The following TCF20 variants were observed in gnomAD, a reference collection of about 807,000 sequenced individuals.
TCF20 encodes transcription factor 20, also known as SPRE-binding protein.
A neutral mutation model predicts 148.6 loss-of-function variants in TCF20; 3 were observed. The observed-to-expected ratio is 0.02, with a 90% confidence interval of 0.01 to 0.05. The LOEUF is 0.05. Among genes scored for constraint, TCF20 ranks in the 10% least tolerant of loss-of-function variants. The pLI, the probability that TCF20 is intolerant of heterozygous loss-of-function variation, is 1.00. For missense variants in TCF20, 2,350 were observed against 2,429.3 expected (o/e 0.97, Z 0.69); for synonymous variants, 1,049 against 909.5 (o/e 1.15, Z -2.76).
intron 1 of TCF20, among the ~76,000 whole-genome samples, chr22:42,217,127 G>C (rs1013239193): frequency 1.3e-5 from 2 of 152,116 alleles, no homozygotes; most frequent in African/African-American, 4.8e-5. Context: ...CCAATCCCTG[G>C]AGTGGCTCCC....
intron 1 of TCF20, among the ~76,000 whole-genome samples, chr22:42,277,535 G>GCAC (rs1926806500): frequency 6.6e-6 from 1 of 152,202 alleles, no homozygotes; most frequent in Non-Finnish European, 1.5e-5. Flanking sequence ...CAGGCAGAGG[G>GCAC]CACGGCATGG....
upstream of TCF20, among the ~76,000 whole-genome samples, chr22:42,288,319 C>T (rs1022311025): frequency 2.0e-5 from 3 of 152,052 alleles, no homozygotes; most frequent in African/African-American, 4.8e-5. Flanking sequence ...AGGCAGATCA[C>T]GAGGTCAGGA....
intron 1 of TCF20, among the ~76,000 whole-genome samples, chr22:42,263,103 C>T (rs898529622): frequency 4.6e-5 from 7 of 152,106 alleles, no homozygotes; most frequent in South Asian, 2.1e-4. Context: ...GATATATCTC[C>T]GTTGCACAGA....
intron 5 of TCF20, among the ~76,000 whole-genome samples, chr22:42,167,570 G>A (rs935855925): frequency 2.6e-5 from 4 of 152,192 alleles, no homozygotes; most frequent in East Asian, 3.9e-4. Flanking sequence ...CCTCAGTGAC[G>A]CAGGGAGGGT....
chr22:42,333,535 T>C (rs1392853802), intron 1 of TCF20, among the ~76,000 whole-genome samples: 2 of 152,236 alleles, frequency 1.3e-5, no homozygotes, highest in Admixed American at 1.3e-4. Context: ...ACCTTGGCCC[T>C]CTTTGAGCCT....
intron 2 of TCF20, among the ~76,000 whole-genome samples, chr22:42,191,801 C>T (rs1937349123): frequency 6.6e-6 from 1 of 152,132 alleles, no homozygotes; most frequent in Non-Finnish European, 1.5e-5. Flanking sequence ...AGGTATAAGC[C>T]ATTGATTAGC....
intron 5 of TCF20, among the ~76,000 whole-genome samples, chr22:42,167,225 C>T (rs1471633654): frequency 6.6e-6 from 1 of 152,248 alleles, no homozygotes; most frequent in Non-Finnish European, 1.5e-5. Flanking sequence ...AGGCACCACA[C>T]TCAACGCTCT....
At chr22:42,295,922 G>A (rs1226312282) in intron 1 of TCF20, among the ~76,000 whole-genome samples, 1 of 152,170 alleles carries the variant, frequency 6.6e-6, no homozygotes, top group Non-Finnish European at 1.5e-5. Flanking sequence ...AGCGTGACCA[G>A]TTCCCACATG....
At position 42,211,163 on chromosome 22, in the gene TCF20, C is replaced by A; in HGVS notation, c.4143G>T (p.Thr1381=). 6.8e-6 allele frequency: 11 copies of A among 1,614,190 alleles called. No homozygotes were observed. Among genetic ancestry groups the A allele is most frequent in the Non-Finnish European group, 8.5e-6 (10 of 1,180,042 alleles). The part of the protein sequence containing the change: ...NSAEAGGDTV[T]LDDILSLKSG... ...TCTTCAAAGACAGTATATCATCAAG[C>A]GTAACCGTGTCTCCCCCAGCCTCCG... The change falls in exon 2 of 6, where the codon ACG becomes ACT. Residue 1381 remains threonine (T), a synonymous_variant. Coordinates refer to ENST00000677622, the MANE Select transcript of TCF20 (RefSeq NM_001378418.1).
In TCF20 at chr22:42,213,645, T is replaced by C. The variant is rs370481535; in HGVS notation, c.1661A>G (p.Glu554Gly). ...SDTTYKGGAS[E>G]KAGSSPAQGA... ...TTGTGCCGGTGAGGAGCCAGCTTTC[T>C]CAGAGGCTCCACCCTTGTAGGTGGT... The change falls in exon 2 of 6, where the codon GAG (glutamate) becomes GGG (glycine). Residue 554 changes from glutamate to glycine, a missense_variant. Physicochemically the swap from Glu to Gly is moderately conservative, Grantham distance 98. Coordinates refer to ENST00000677622, the MANE Select transcript of TCF20 (RefSeq NM_001378418.1). 2.5e-6 allele frequency: 4 copies of C among 1,614,024 alleles called. No homozygotes were observed. Among genetic ancestry groups the C allele is most frequent in the Non-Finnish European group, 3.4e-6 (4 of 1,180,046 alleles).
chr22:42,169,339 C>G (rs1050670527), intron 4 of TCF20, among the ~76,000 whole-genome samples: 1 of 152,086 alleles, frequency 6.6e-6, no homozygotes, highest in African/African-American at 2.4e-5. Context: ...CCTAAATAAA[C>G]TGGGAAGTGG....
In TCF20 at chr22:42,191,099, G is replaced by A. The variant is rs1569123037; in HGVS notation, c.5656-11397C>T. On this transcript the variant is annotated intron_variant, in intron 2 of 5. Coordinates refer to ENST00000677622, the MANE Select transcript of TCF20 (RefSeq NM_001378418.1). ...TCAATTTAAGTTAAATCCAATCTAT[G>A]TCCCCCTTCTGGAAAATTAAAGCAT... Among the ~76,000 whole-genome samples, 4 of 152,210 alleles carry A rather than the reference G, an allele frequency of 2.6e-5. No homozygotes were observed. In the East Asian group the frequency reaches 5.8e-4, roughly 22 times the overall value.
intron 1 of TCF20, among the ~76,000 whole-genome samples, chr22:42,325,278 C>T (rs189141184): frequency 1.2e-3 from 177 of 152,342 alleles, no homozygotes; most frequent in Non-Finnish European, 5.1e-4. Context: ...ATGTTCCTCC[C>T]TGGGAAGCCC....
chr22:42,326,112 G>T (rs1421162126), intron 1 of TCF20, among the ~76,000 whole-genome samples: 1 of 151,956 alleles, frequency 6.6e-6, no homozygotes, highest in Non-Finnish European at 1.5e-5. Context: ...ACTCCCCCCA[G>T]GAGAGGAAGG....
intron 1 of TCF20, among the ~76,000 whole-genome samples, chr22:42,267,946 G>C (rs1279379258): frequency 1.3e-5 from 2 of 152,158 alleles, no homozygotes; most frequent in Non-Finnish European, 1.5e-5. Flanking sequence ...AGGAGTTCAA[G>C]ACCAGCCTGG....
intron 1 of TCF20, among the ~76,000 whole-genome samples, chr22:42,296,700 C>A (rs1569203547): frequency 6.6e-6 from 1 of 152,200 alleles, no homozygotes; most frequent in African/African-American, 2.4e-5. Context: ...CCAGGCAGTG[C>A]GACAGGGCCA....
intron 5 of TCF20, among the ~76,000 whole-genome samples, chr22:42,162,575 G>C (rs542717260): frequency 3.3e-5 from 5 of 152,282 alleles, no homozygotes; most frequent in African/African-American, 4.8e-5. Context: ...AGTTTCCTAG[G>C]AATCAGTCCA....
In TCF20 at chr22:42,210,125, T is replaced by C. The variant is rs1920930531; in HGVS notation, c.5181A>G (p.Gln1727=). 3.7e-6 allele frequency: 6 copies of C among 1,614,148 alleles called. No homozygotes were observed. The highest frequency in any genetic ancestry group is 4.2e-6 in the Non-Finnish European group (5 of 1,180,032). Residue 1727 remains glutamine (Q), a synonymous_variant, in exon 2 of 6, where the codon CAA becomes CAG. Transcript: ENST00000677622. This position sits in a 1 kb window ranked among gnomAD's most constrained non-coding sequence, Gnocchi z 4.7. ...MGDLFGPFYP[Q]DYAATLPKNP... is the part of the protein sequence containing the mutation. The stretch of plus-strand genomic sequence containing the variant: ...TCTTCGGGAGAGTGGCTGCATAATC[T>C]TGGGGATAAAAAGGTCCAAAGAGGT...
chr22:42,226,584 A>G (rs968035539), intron 1 of TCF20, among the ~76,000 whole-genome samples: 10 of 152,180 alleles, frequency 6.6e-5, no homozygotes, highest in Admixed American at 6.5e-4. Flanking sequence ...GGAAACCTAT[A>G]ATCCCAGCTA....
Sources: allele counts gnomAD v4.1 joint callset (sites outside exome capture counted in the v4.1 genomes callset), GRCh38; gene constraint gnomAD v4.1.1; non-coding constraint Gnocchi (gnomAD v3.1); transcripts MANE v1.5; gene names NCBI Gene and HGNC (gene_info 2026-07-23, HGNC 2026-07-21).